NTRK3: variants seen among roughly 807,000 people sequenced by gnomAD.
NTRK3 encodes the protein neurotrophic receptor tyrosine kinase 3, also known as NT-3 growth factor receptor.
NTRK3 carries 24 observed loss-of-function variants against 91.7 expected under a neutral mutation model. The observed-to-expected ratio is 0.26, with a 90% CI of 0.19 to 0.37. NTRK3 has a LOEUF of 0.37. Ranked by LOEUF, NTRK3 falls within the 10% of genes least tolerant of loss-of-function variation. The pLI, the probability that NTRK3 is intolerant of heterozygous loss-of-function variation, is 1.00. For synonymous variants in NTRK3, 483 were observed against 404.0 expected, an observed-to-expected ratio of 1.20 and a Z score of -2.34; for missense variants, 880 against 1,068.9, an observed-to-expected ratio of 0.82 and a Z score of 2.46.
intron 17 of NTRK3, among the ~76,000 whole-genome samples, chr15:87,885,194 A>C (rs894467088): frequency 6.6e-6 from 1 of 151,996 alleles, no homozygotes; most frequent in Non-Finnish European, 1.5e-5. Flanking sequence ...ACACCTCAGC[A>C]TAAACCTTAG....
chr15:88,170,203 A>G (rs1222348262), intron 5 of NTRK3, among the ~76,000 whole-genome samples: 6 of 152,220 alleles, frequency 3.9e-5, no homozygotes, highest in South Asian at 4.1e-4. Flanking sequence ...ACTCTAAAGC[A>G]CAAAAAATCA....
At chr15:87,983,197 TG>T (rs923579329) in intron 14 of NTRK3, among the ~76,000 whole-genome samples, 1 of 152,194 alleles carries the variant, frequency 6.6e-6, no homozygotes, top group African/African-American at 2.4e-5. Flanking sequence ...GCACTGGCTG[TG>T]GAAAAAAGCA....
intron 3 of NTRK3, among the ~76,000 whole-genome samples, chr15:88,194,071 T>C (rs913528390): frequency 4.6e-5 from 7 of 152,238 alleles, no homozygotes; most frequent in African/African-American, 7.2e-5. Context: ...TCACCCATTA[T>C]TCAATCTCTG....
At chr15:87,867,418 T>C (rs189251580) in exon 19 of NTRK3, 180 of 229,540 alleles carry the variant, frequency 7.8e-4, no homozygotes, top group African/African-American at 3.8e-3. Flanking sequence ...TAAACTGCCA[T>C]AAAACAAAAA....
At chr15:88,072,906 A>T (rs932285104) in intron 13 of NTRK3, 2 of 230,596 alleles carry the variant, frequency 8.7e-6, no homozygotes, top group African/African-American at 2.2e-5. Flanking sequence ...AAGACAGCTC[A>T]CCTTCAGAGG....
At chr15:88,172,396 AG>A (rs1420655110) in intron 5 of NTRK3, among the ~76,000 whole-genome samples, 1 of 152,212 alleles carries the variant, frequency 6.6e-6, no homozygotes, top group Non-Finnish European at 1.5e-5. Flanking sequence ...CTTAGGGAAG[AG>A]GGGGAAAAAA....
intron 3 of NTRK3, among the ~76,000 whole-genome samples, chr15:88,198,785 A>C (rs2048047318): frequency 6.6e-6 from 1 of 152,134 alleles, no homozygotes; most frequent in South Asian, 2.1e-4. Context: ...AGTGGGAAAG[A>C]GCTGTCTAAG....
chr15:87,944,485 G>A (rs2070226721), intron 14 of NTRK3, among the ~76,000 whole-genome samples: 1 of 152,224 alleles, frequency 6.6e-6, no homozygotes, highest in Non-Finnish European at 1.5e-5. Context: ...TTTCACAGGT[G>A]AGAAAACAGA....
chr15:88,184,925 C>T (rs946953500), intron 3 of NTRK3, among the ~76,000 whole-genome samples: 3 of 152,170 alleles, frequency 2.0e-5, no homozygotes, highest in African/African-American at 7.2e-5. Flanking sequence ...ACCTAAGGAT[C>T]CTGGAGCCAC....
chr15:87,892,172 G>A (rs969990626), intron 17 of NTRK3, among the ~76,000 whole-genome samples: 3 of 151,122 alleles, frequency 2.0e-5, no homozygotes, highest in Admixed American at 6.6e-5. Flanking sequence ...CTAAATCTCA[G>A]GAGTGAAACC....
chr15:88,171,514 T>C (rs1007034682), intron 5 of NTRK3, among the ~76,000 whole-genome samples: 1 of 152,188 alleles, frequency 6.6e-6, no homozygotes, highest in African/African-American at 2.4e-5. Context: ...AGCTTGGGCT[T>C]CTGAGCACCC....
At chr15:87,967,480 G>C (rs1349549118) in intron 14 of NTRK3, among the ~76,000 whole-genome samples, 1 of 152,168 alleles carries the variant, frequency 6.6e-6, no homozygotes, top group Non-Finnish European at 1.5e-5. Context: ...ATAGGTCCTG[G>C]CTAGAGCACT....
chr15:88,235,058 C>T lies in NTRK3; in HGVS notation c.248+20848G>A, dbSNP rs868540382. Reference sequence around the variant, plus strand: ...AATCCATTCTCCGAGAGCCCAGACGCCCTACCCTTACACAAAGGCAGCCTC... The same window carrying T: ...AATCCATTCTCCGAGAGCCCAGACGTCCTACCCTTACACAAAGGCAGCCTC... On this transcript the variant is annotated intron_variant, in intron 3 of 18. Transcript: ENST00000394480. The surrounding 1 kb of genome is among the most constrained non-coding windows in gnomAD (Gnocchi z 5.2). Among the ~76,000 whole-genome samples, 1 of 152,194 alleles carries T rather than the reference C, an allele frequency of 6.6e-6. No individual in the cohort carries two copies. Among genetic ancestry groups the T allele is most frequent in the Non-Finnish European group, 1.5e-5 (1 of 68,022 alleles).
chr15:88,253,808 C>G (rs996485897), intron 3 of NTRK3, among the ~76,000 whole-genome samples: 5 of 152,196 alleles, frequency 3.3e-5, no homozygotes, highest in Admixed American at 2.0e-4. Flanking sequence ...TCCTCCCAGA[C>G]GCCCTCCTGA....
intron 6 of NTRK3, among the ~76,000 whole-genome samples, chr15:88,140,567 T>G (rs2042291675): frequency 6.6e-6 from 1 of 152,228 alleles, no homozygotes; most frequent in Admixed American, 6.5e-5. Flanking sequence ...GAGTCATATC[T>G]ATCAGTATCT....
At chr15:88,008,915 T>C (rs1375083214) in intron 14 of NTRK3, among the ~76,000 whole-genome samples, 1 of 152,220 alleles carries the variant, frequency 6.6e-6, no homozygotes, top group Non-Finnish European at 1.5e-5. Flanking sequence ...TGTCCCAGAC[T>C]TCACAGACCA....
chr15:88,182,987 T>C lies in NTRK3; in HGVS notation c.395+431A>G, dbSNP rs184915454. On this transcript the variant is annotated intron_variant, in intron 5 of 18. Transcript: ENST00000394480. Reference sequence around the variant, plus strand: ...TCTATTTAGACATAACACTGGCTATTAGCCATACTTTCTTTCTTCTTGCAA... The same window carrying C: ...TCTATTTAGACATAACACTGGCTATCAGCCATACTTTCTTTCTTCTTGCAA... Among the ~76,000 whole-genome samples the C allele has an allele frequency of 2.6e-3, 401 of 152,032 alleles. 7 individuals are homozygous for C. The East Asian group carries it at 0.036, about 13-fold the overall frequency.
intron 17 of NTRK3, among the ~76,000 whole-genome samples, chr15:87,919,930 G>C (rs2067736961): frequency 6.6e-6 from 1 of 152,082 alleles, no homozygotes; most frequent in South Asian, 2.1e-4. Flanking sequence ...TTCTACCTTT[G>C]GCCATGTCCC....
chr15:88,035,494 A>T (rs2038302201), intron 13 of NTRK3, among the ~76,000 whole-genome samples: 1 of 152,218 alleles, frequency 6.6e-6, no homozygotes, highest in South Asian at 2.1e-4. Flanking sequence ...GAATTCTCTC[A>T]AAAAATACCT....
Sources: allele counts gnomAD v4.1 joint callset (sites outside exome capture counted in the v4.1 genomes callset), GRCh38; gene constraint gnomAD v4.1.1; non-coding constraint Gnocchi (gnomAD v3.1); transcripts MANE v1.5; gene names NCBI Gene and HGNC (gene_info 2026-07-23, HGNC 2026-07-21).